PCDHGA12: variants seen among roughly 807,000 people sequenced by gnomAD.
PCDHGA12 encodes the protein protocadherin gamma subfamily A, 12.
PCDHGA12 carries 43 observed loss-of-function variants against 61.1 expected under a neutral mutation model. The observed-to-expected ratio is 0.70, with a 90% confidence interval of 0.55 to 0.91. The LOEUF is 0.91. Ranked by LOEUF, PCDHGA12 falls within the 40% of genes least tolerant of loss-of-function variation. The pLI, the probability that PCDHGA12 is intolerant of heterozygous loss-of-function variation, is 0.00. For synonymous variants in PCDHGA12, 520 were observed against 542.9 expected (o/e 0.96, Z 0.59); for missense variants, 1,236 against 1,227.7 (o/e 1.01, Z -0.10).
chr5:141,467,295 C>T (rs2099141170), intron 1 of PCDHGA12, among the ~76,000 whole-genome samples: 1 of 152,114 alleles, frequency 6.6e-6, no homozygotes, highest in South Asian at 2.1e-4. Flanking sequence ...TCAAGTGATC[C>T]ACTCACCTCG....
In PCDHGA12 at chr5:141,490,654, C is replaced by A; in HGVS notation, c.2425-4153C>A. On this transcript the variant is annotated intron_variant, in intron 1 of 3. Transcript: ENST00000252085. The surrounding 1 kb of genome is among the most constrained non-coding windows in gnomAD (Gnocchi z 5.4). ...CCTAGAAAACCGGCCTCCGGGCTCC[C>A]TTCTTTGCACTGTGGCTGCCTCAGA... 6.2e-7 allele frequency: 1 copy of A among 1,614,206 alleles called. No individual in the cohort carries two copies. Among genetic ancestry groups the A allele is most frequent in the Non-Finnish European group, 8.5e-7 (1 of 1,180,014 alleles).
At chr5:141,471,302 C>T (rs111827070) in intron 1 of PCDHGA12, 9,302 of 152,168 alleles carry the variant, frequency 0.061, 339 homozygotes, top group South Asian at 0.12. Flanking sequence ...CCACCCAACT[C>T]GGCCTCCCAA....
chr5:141,438,579 CATACATACATACATAT>C (rs1360889040), intron 1 of PCDHGA12, among the ~76,000 whole-genome samples: 18 of 55,776 alleles, frequency 3.2e-4, no homozygotes, highest in Non-Finnish European at 5.1e-4. Context: ...GATATACATA[CATACATACATACATAT>C]ATATATATAT....
In PCDHGA12 at chr5:141,476,445, T is replaced by G. The variant is rs2099391853; in HGVS notation, c.2425-18362T>G. 1 of 1,613,956 alleles carries G rather than the reference T, an allele frequency of 6.2e-7. No individual in the cohort carries two copies. The highest frequency in any genetic ancestry group is 1.7e-5 in the Admixed American group (1 of 60,008). The stretch of plus-strand genomic sequence containing the variant: ...CCCTCTTGCACTGTAACTCTGGAGT[T>G]GGTAGTGGAGAACCCGCTGGAGCTG... On this transcript the variant is annotated intron_variant, in intron 1 of 3. Coordinates refer to ENST00000252085, the MANE Select transcript of PCDHGA12 (RefSeq NM_003735.3). This position sits in a 1 kb window ranked among gnomAD's most constrained non-coding sequence, Gnocchi z 7.6.
chr5:141,500,433 T>A (rs1398344932), intron 2 of PCDHGA12, among the ~76,000 whole-genome samples: 17 of 151,882 alleles, frequency 1.1e-4, no homozygotes, highest in East Asian at 7.8e-4. Flanking sequence ...ATGGTCTCGA[T>A]CTCCTGACCT....
At chr5:141,443,683 A>C (rs1358937790) in intron 1 of PCDHGA12, among the ~76,000 whole-genome samples, 1 of 152,248 alleles carries the variant, frequency 6.6e-6, no homozygotes, top group Admixed American at 6.5e-5. Flanking sequence ...GTTTACAAAC[A>C]CTTCAAAAAT....
At chr5:141,447,197 T>C (rs1249080495) in intron 1 of PCDHGA12, among the ~76,000 whole-genome samples, 7 of 152,188 alleles carry the variant, frequency 4.6e-5, no homozygotes, top group Admixed American at 4.6e-4. Context: ...TGGAGTGCAA[T>C]GGCTTGATCT....
At chr5:141,438,914 C>T (rs1249997741) in intron 1 of PCDHGA12, among the ~76,000 whole-genome samples, 1 of 151,906 alleles carries the variant, frequency 6.6e-6, no homozygotes, top group Non-Finnish European at 1.5e-5. Flanking sequence ...GATCCACCTG[C>T]CTTGGCCTCC....
Position 141,432,093 on chromosome 5 carries a change from C to G in PCDHGA12, c.1334C>G (p.Thr445Ser). The change falls in exon 1 of 4, where the codon ACC (threonine) becomes AGC (serine). Residue 445 changes from threonine to serine, a missense_variant. By Grantham distance (58) the Thr-to-Ser change is moderately conservative. Coordinates refer to ENST00000252085, the MANE Select transcript of PCDHGA12 (RefSeq NM_003735.3). This position sits in a 1 kb window ranked among gnomAD's most constrained non-coding sequence, Gnocchi z 6.0. ...ETHISLNVAD[T>S]NDNPPVFPQA... is the part of the protein sequence containing the mutation. ...CATATCTCGCTGAACGTGGCAGACA[C>G]CAACGACAACCCGCCGGTCTTCCCT... 1 of 1,614,170 alleles carries G rather than the reference C, an allele frequency of 6.2e-7. No individual in the cohort carries two copies. The highest frequency in any genetic ancestry group is 8.5e-7 in the Non-Finnish European group (1 of 1,180,046).
Position 141,494,830 on chromosome 5 carries a change from G to C in PCDHGA12, c.2448G>C (p.Trp816Cys), listed in dbSNP as rs2099757104. Residue 816 changes from tryptophan (W) to cysteine (C), a missense_variant, in exon 2 of 4, where the codon TGG (tryptophan) becomes TGC (cysteine). Coordinates refer to ENST00000252085, the MANE Select transcript of PCDHGA12 (RefSeq NM_003735.3). ...AGCAAGCCCCGCCCAACACGGACTG[G>C]CGTTTCTCTCAGGCCCAGAGACCCG... The part of the protein sequence containing the change: ...LIEQAPPNTD[W>C]RFSQAQRPGT... 6.2e-7 allele frequency: 1 copy of C among 1,614,098 alleles called. No homozygotes were observed. The highest frequency in any genetic ancestry group is 2.2e-5 in the East Asian group (1 of 44,862).
Position 141,487,623 on chromosome 5 carries a change from CT to C in PCDHGA12, c.2425-7181del. 1 of 1,614,206 alleles carries C rather than the reference CT, an allele frequency of 6.2e-7. No homozygotes were observed. Among genetic ancestry groups the C allele is most frequent in the Non-Finnish European group, 8.5e-7 (1 of 1,180,044 alleles). On this transcript the variant is annotated intron_variant, in intron 1 of 3. Transcript: ENST00000252085. This position sits in a 1 kb window ranked among gnomAD's most constrained non-coding sequence, Gnocchi z 5.0. ...CTTCTCTATGGGCTAGAGGTGAGAC[CT>C]TTGCAGGCTCAACAAATGCTTGAGG...
At chr5:141,442,759 A>G (rs2098341868) in intron 1 of PCDHGA12, among the ~76,000 whole-genome samples, 1 of 152,152 alleles carries the variant, frequency 6.6e-6, no homozygotes, top group Non-Finnish European at 1.5e-5. Flanking sequence ...GATTATATAT[A>G]TTTGTATGTG....
Position 141,431,520 on chromosome 5 carries a change from A to T in PCDHGA12, c.761A>T (p.Asn254Ile). ...QPEYRASVPE[N>I]LALGTQLLVV... ...GAGTACCGCGCGAGCGTTCCGGAGA[A>T]TCTGGCCTTGGGCACGCAGCTGCTT... The change falls in exon 1 of 4, where the codon AAT (asparagine) becomes ATT (isoleucine). Residue 254 changes from asparagine to isoleucine, a missense_variant. By Grantham distance (149) the Asn-to-Ile change is moderately radical (BLOSUM62 -3). Transcript: ENST00000252085. The surrounding 1 kb of genome is among the most constrained non-coding windows in gnomAD (Gnocchi z 4.8). 6.2e-7 allele frequency: 1 copy of T among 1,614,068 alleles called. No homozygotes were observed. Among genetic ancestry groups the T allele is most frequent in the Non-Finnish European group, 8.5e-7 (1 of 1,180,020 alleles).
intron 1 of PCDHGA12, among the ~76,000 whole-genome samples, chr5:141,465,879 T>C (rs979784878): frequency 6.6e-6 from 1 of 152,062 alleles, no homozygotes; most frequent in African/African-American, 2.4e-5. Context: ...TCCCAGCACT[T>C]TGGGAGGCCG....
At chr5:141,498,248 G>A (rs1484987588) in intron 2 of PCDHGA12, among the ~76,000 whole-genome samples, 2 of 152,208 alleles carry the variant, frequency 1.3e-5, no homozygotes, top group Non-Finnish European at 2.9e-5. Flanking sequence ...CTTCAAAGCA[G>A]GGCTGGTGTT....
At position 141,489,193 on chromosome 5, in the gene PCDHGA12, G is replaced by A; in HGVS notation, c.2425-5614G>A. The A allele has an allele frequency of 2.2e-6, 3 of 1,369,230 alleles. No individual in the cohort carries two copies. Among genetic ancestry groups the A allele is most frequent in the Non-Finnish European group, 3.0e-6 (3 of 1,000,290 alleles). 84.8% of individuals were successfully genotyped at this position (1,369,230 alleles called of 1,614,324 possible). On this transcript the variant is annotated intron_variant, in intron 1 of 3. Coordinates refer to ENST00000252085, the MANE Select transcript of PCDHGA12 (RefSeq NM_003735.3). The surrounding 1 kb of genome is among the most constrained non-coding windows in gnomAD (Gnocchi z 4.5). ...GCATTCCAAGCCCTGGGTCTACCTT[G>A]GAGACAGGACAGCACAGACTTACTC...
chr5:141,502,308 C>T (rs928137926), intron 2 of PCDHGA12, among the ~76,000 whole-genome samples: 2 of 151,586 alleles, frequency 1.3e-5, no homozygotes, highest in Non-Finnish European at 2.9e-5. Flanking sequence ...CTTTCCTCTC[C>T]TTTAATCTGG....
chr5:141,505,335 A>G, intron 2 of PCDHGA12, 58 bp from the exon 3 acceptor site: 1 of 1,611,086 alleles, frequency 6.2e-7, no homozygotes, highest in Non-Finnish European at 8.5e-7. Flanking sequence ...AGAGGACAGG[A>G]GGGGCATGAG....
rs1356739313 is a variant in PCDHGA12, at chr5:141,490,444, A to T, written c.2425-4363A>T. The T allele has an allele frequency of 6.2e-7, 1 of 1,614,194 alleles. No individual in the cohort carries two copies. Among genetic ancestry groups the T allele is most frequent in the Non-Finnish European group, 8.5e-7 (1 of 1,180,034 alleles). On this transcript the variant is annotated intron_variant, in intron 1 of 3. Transcript: ENST00000252085. The surrounding 1 kb of genome is among the most constrained non-coding windows in gnomAD (Gnocchi z 5.4). ...GCCATTTCAGATTAAGCCTTCTGAG[A>T]ACCACTACTCGCTGCTAACCAGCCA...
Sources: allele counts gnomAD v4.1 joint callset (sites outside exome capture counted in the v4.1 genomes callset), GRCh38; gene constraint gnomAD v4.1.1; non-coding constraint Gnocchi (gnomAD v3.1); transcripts MANE v1.5; gene names NCBI Gene and HGNC (gene_info 2026-07-23, HGNC 2026-07-21).